The following CCDC73 variants were observed in gnomAD, a reference collection of about 807,000 sequenced individuals.
CCDC73 encodes coiled-coil domain containing 73.
CCDC73 carries 95 observed loss-of-function variants against 116.5 expected under a neutral mutation model. That is an observed-to-expected ratio of 0.82 (90% confidence interval 0.69 to 0.97). CCDC73 has a LOEUF of 0.97. Ranked by LOEUF, CCDC73 falls within the 50% of genes least tolerant of loss-of-function variation. The probability of loss-of-function intolerance (pLI) is 0.00; values close to 1 mark genes in which losing one functional copy is unlikely to be tolerated. For synonymous variants in CCDC73, 398 were observed against 401.3 expected, an observed-to-expected ratio of 0.99 and a Z score of 0.10; for missense variants, 1,066 against 1,206.8, an observed-to-expected ratio of 0.88 and a Z score of 1.73.
intron 17 of CCDC73, 61 bp from the exon 18 acceptor site, chr11:32,603,081 G>T: frequency 4.5e-6 from 6 of 1,339,826 alleles, no homozygotes; most frequent in Non-Finnish European, 6.2e-6. Context: ...TAAAGAGTCT[G>T]TAAAGCCTCT....
At chr11:32,786,321 A>G (rs1850625879) in intron 1 of CCDC73, among the ~76,000 whole-genome samples, 1 of 147,878 alleles carries the variant, frequency 6.8e-6, no homozygotes, top group Admixed American at 6.8e-5. Flanking sequence ...TTATAACAAT[A>G]AATCTGTTAT....
intron 9 of CCDC73, among the ~76,000 whole-genome samples, chr11:32,669,817 G>A (rs191166268): frequency 1.6e-3 from 248 of 152,304 alleles, no homozygotes; most frequent in African/African-American, 5.7e-3. Context: ...TGGCTGAATA[G>A]TACTCCACTG....
At chr11:32,808,315 G>C in the CCDC73 span, among the ~76,000 whole-genome samples, 5 of 152,100 alleles carry the variant, frequency 3.3e-5, no homozygotes, top group Admixed American at 1.3e-4. Flanking sequence ...AGCATGAGTG[G>C]GGAGTAAGGA....
upstream of CCDC73, among the ~76,000 whole-genome samples, chr11:32,797,500 T>C (rs1850735121): frequency 1.3e-5 from 2 of 152,234 alleles, no homozygotes; most frequent in African/African-American, 4.8e-5. Flanking sequence ...AGTTCACAGG[T>C]CCCCTCTTTG....
At chr11:32,746,439 G>A (rs1467180926) in intron 2 of CCDC73, among the ~76,000 whole-genome samples, 4 of 152,096 alleles carry the variant, frequency 2.6e-5, no homozygotes, top group Admixed American at 2.6e-4. Context: ...TCTTTGTGGT[G>A]TTCTCTGTAT....
intron 2 of CCDC73, among the ~76,000 whole-genome samples, chr11:32,750,028 G>T (rs909315187): frequency 4.1e-4 from 44 of 108,544 alleles, no homozygotes; most frequent in Admixed American, 1.6e-3. Context: ...CGACCACTAC[G>T]CCCGGCTAAT....
chr11:32,772,951 C>T (rs184135225), intron 1 of CCDC73, among the ~76,000 whole-genome samples: 18 of 152,064 alleles, frequency 1.2e-4, no homozygotes, highest in African/African-American at 4.3e-4. Flanking sequence ...ATTTAGATTC[C>T]CAAGAGAACA....
At chr11:32,607,089 T>C (rs1855362043) in intron 17 of CCDC73, among the ~76,000 whole-genome samples, 1 of 37,108 alleles carries the variant, frequency 2.7e-5, no homozygotes, top group African/African-American at 1.6e-4. Flanking sequence ...AATTTTTTTT[T>C]TTTTTTTTTT....
intron 1 of CCDC73, among the ~76,000 whole-genome samples, chr11:32,790,291 C>T (rs1850663717): frequency 6.6e-6 from 1 of 152,184 alleles, no homozygotes; most frequent in African/African-American, 2.4e-5. Flanking sequence ...GATTTTCTTA[C>T]AAATCCCATT....
chr11:32,667,978 T>G (rs910886858), intron 9 of CCDC73, among the ~76,000 whole-genome samples: 1 of 152,234 alleles, frequency 6.6e-6, no homozygotes, highest in African/African-American at 2.4e-5. Context: ...TCTCTTTTCC[T>G]TGTTGTATAA....
chr11:32,639,416 T>C (rs1044111330), intron 13 of CCDC73, among the ~76,000 whole-genome samples: 5 of 152,118 alleles, frequency 3.3e-5, no homozygotes, highest in Admixed American at 1.3e-4. Flanking sequence ...TAACACATAG[T>C]ATATGCTCAA....
chr11:32,822,630 T>A, the CCDC73 span, among the ~76,000 whole-genome samples: 17 of 152,332 alleles, frequency 1.1e-4, 1 homozygote, highest in East Asian at 3.9e-4. Context: ...CTGTTTTTTT[T>A]ATTTACATAA....
intron 17 of CCDC73, among the ~76,000 whole-genome samples, chr11:32,609,638 C>T (rs1383317342): frequency 1.3e-5 from 2 of 152,196 alleles, no homozygotes; most frequent in Non-Finnish European, 2.9e-5. Context: ...CAACACTCTG[C>T]TCCTGGTACC....
chr11:32,642,699 CAAT>C (rs931536153), intron 12 of CCDC73, among the ~76,000 whole-genome samples: 17 of 151,736 alleles, frequency 1.1e-4, no homozygotes, highest in African/African-American at 3.9e-4. Context: ...TCAGTGTCAT[CAAT>C]ATTATTAGGT....
the CCDC73 span, among the ~76,000 whole-genome samples, chr11:32,814,651 A>G: frequency 1.3e-5 from 2 of 152,230 alleles, no homozygotes; most frequent in East Asian, 3.8e-4. Context: ...CAGAGTTACC[A>G]TATGACCTAG....
chr11:32,717,848 G>A (rs1021400603), intron 3 of CCDC73, among the ~76,000 whole-genome samples: 3 of 152,134 alleles, frequency 2.0e-5, no homozygotes, highest in Non-Finnish European at 4.4e-5. Context: ...GGGGAAGCAA[G>A]GCACCTTCTT....
At chr11:32,664,963 C>A (rs368781557) in intron 9 of CCDC73, among the ~76,000 whole-genome samples, 2 of 152,030 alleles carry the variant, frequency 1.3e-5, no homozygotes, top group Non-Finnish European at 2.9e-5. Flanking sequence ...TGTAGTTGAG[C>A]GGTTTTGAGT....
intron 1 of CCDC73, among the ~76,000 whole-genome samples, chr11:32,766,554 A>G (rs1850444292): frequency 6.6e-6 from 1 of 152,200 alleles, no homozygotes; most frequent in African/African-American, 2.4e-5. Flanking sequence ...TATATTTAGA[A>G]AACCCCATCG....
the CCDC73 span, among the ~76,000 whole-genome samples, chr11:32,817,489 CCT>C: frequency 1.3e-5 from 2 of 152,146 alleles, no homozygotes; most frequent in Non-Finnish European, 2.9e-5. Flanking sequence ...GTGGTTGTCC[CCT>C]GTTTTGACCA....
Sources: gnomAD v4.1 joint callset for allele counts (sites outside exome capture counted in the v4.1 genomes callset) on GRCh38, gnomAD v4.1.1 for gene constraint, MANE v1.5 for transcripts, NCBI Gene and HGNC (gene_info 2026-07-23, HGNC 2026-07-21) for gene names.